The following APBB2 variants were observed in gnomAD, a reference collection of about 807,000 sequenced individuals.
APBB2 encodes the protein amyloid beta precursor protein binding family B member 2.
In APBB2, 38 loss-of-function variants were observed where a neutral mutation model predicts 82.5. The ratio of observed to expected loss-of-function variants is 0.46; its 90% CI spans 0.36 to 0.60. The LOEUF (loss-of-function observed/expected upper bound fraction) is 0.60. Among genes scored for constraint, APBB2 ranks in the 20% least tolerant of loss-of-function variants. The pLI is 0.00. For missense variants in APBB2, 772 were observed against 972.3 expected (o/e 0.79, Z 2.74); for synonymous variants, 341 against 368.2 (o/e 0.93, Z 0.85).
intron 3 of APBB2, among the ~76,000 whole-genome samples, chr4:41,080,378 A>G (rs1290243918): frequency 1.3e-5 from 2 of 152,226 alleles, no homozygotes; most frequent in African/African-American, 4.8e-5. Context: ...TCATAAAGGA[A>G]TCAAATGCAG....
chr4:41,078,753 T>G (rs1207551185), intron 3 of APBB2, among the ~76,000 whole-genome samples: 1 of 152,184 alleles, frequency 6.6e-6, no homozygotes, highest in Non-Finnish European at 1.5e-5. Context: ...TCTACCAGAG[T>G]GCTTACTGAA....
At chr4:40,900,870 C>T (rs1320115298) in intron 10 of APBB2, among the ~76,000 whole-genome samples, 1 of 151,328 alleles carries the variant, frequency 6.6e-6, no homozygotes, top group African/African-American at 2.4e-5. Context: ...ATATTTATGA[C>T]ACCTACCATG....
chr4:41,203,294 A>T lies in APBB2; in HGVS notation c.-417+11111T>A, dbSNP rs535927703. On this transcript the variant is annotated intron_variant, in intron 1 of 17. Coordinates refer to ENST00000508593, the MANE Select transcript of APBB2 (RefSeq NM_004307.2). ...AAACTGAAATAAAATTCAAGTCAGC[A>T]GGAGATGACTGTGATCATGAGACAA... Among the ~76,000 whole-genome samples the T allele has an allele frequency of 2.0e-5, 3 of 152,348 alleles. No individual in the cohort carries two copies. In the East Asian group the frequency reaches 5.8e-4, roughly 29 times the overall value.
intron 11 of APBB2, among the ~76,000 whole-genome samples, chr4:40,892,088 C>T (rs1772209284): frequency 6.6e-6 from 1 of 151,808 alleles, no homozygotes; most frequent in African/African-American, 2.4e-5. Flanking sequence ...GTAGCTGGGA[C>T]TACAGGTGCG....
At chr4:41,069,599 T>G (rs1340977429) in intron 3 of APBB2, among the ~76,000 whole-genome samples, 1 of 152,204 alleles carries the variant, frequency 6.6e-6, no homozygotes, top group Non-Finnish European at 1.5e-5. Flanking sequence ...AGAGATGGTT[T>G]CAAAGGCATC....
Position 41,211,408 on chromosome 4 carries a change from G to A in APBB2, c.-417+2997C>T, listed in dbSNP as rs528180743. ...CCACCTGCTCCCCTCCCCCGCCCCC[G>A]GAAAACTTAAGGTGTTATATCACAA... On this transcript the variant is annotated intron_variant, in intron 1 of 17. Coordinates refer to ENST00000508593, the MANE Select transcript of APBB2 (RefSeq NM_004307.2). Among the ~76,000 whole-genome samples the A allele has an allele frequency of 5.2e-5, 4 of 76,432 alleles. No individual in the cohort carries two copies. The South Asian group carries it at 1.5e-3, about 28-fold the overall frequency. 50.1% of individuals were successfully genotyped at this position (76,432 alleles called of 152,430 possible).
chr4:41,107,812 C>A (rs1340301115), intron 2 of APBB2, among the ~76,000 whole-genome samples: 1 of 152,130 alleles, frequency 6.6e-6, no homozygotes, highest in African/African-American at 2.4e-5. Flanking sequence ...TCTTTCAAGA[C>A]ACCAATGCCA....
At chr4:41,110,468 T>G (rs1748786726) in intron 2 of APBB2, among the ~76,000 whole-genome samples, 1 of 151,962 alleles carries the variant, frequency 6.6e-6, no homozygotes, top group Admixed American at 6.6e-5. Flanking sequence ...CTGTGTGTGG[T>G]GACGGGCACC....
At chr4:40,931,960 G>A (rs569047290) in intron 10 of APBB2, among the ~76,000 whole-genome samples, 8 of 152,238 alleles carry the variant, frequency 5.3e-5, no homozygotes, top group East Asian at 1.9e-4. Context: ...CCTTACTAAC[G>A]TGAACAGACT....
chr4:41,052,813 C>G (rs1726510363), intron 4 of APBB2, among the ~76,000 whole-genome samples: 1 of 150,560 alleles, frequency 6.6e-6, no homozygotes, highest in Non-Finnish European at 1.5e-5. Flanking sequence ...TGTCACCCAG[C>G]TGGAGTGCAG....
intron 1 of APBB2, among the ~76,000 whole-genome samples, chr4:41,200,537 TC>T: frequency 6.6e-6 from 1 of 152,194 alleles, no homozygotes; most frequent in Non-Finnish European, 1.5e-5. Context: ...CCAGTTGCTC[TC>T]CCCTGGCGGC....
intron 10 of APBB2, among the ~76,000 whole-genome samples, chr4:40,907,285 CT>C (rs1242447757): frequency 3.4e-5 from 5 of 147,810 alleles, no homozygotes; most frequent in African/African-American, 1.3e-4. Flanking sequence ...TAAATGAGCT[CT>C]AACAATGGGG....
chr4:40,958,707 G>A (rs1792312880), intron 6 of APBB2, among the ~76,000 whole-genome samples: 3 of 152,170 alleles, frequency 2.0e-5, no homozygotes, highest in South Asian at 4.1e-4. Flanking sequence ...CTGGGCTCAA[G>A]CGATTCTCCT....
chr4:40,901,349 T>C (rs77720594), intron 10 of APBB2, among the ~76,000 whole-genome samples: 3,311 of 152,030 alleles, frequency 0.022, 113 homozygotes, highest in African/African-American at 0.076. Context: ...TAGCCAGCTA[T>C]GCCAATCTAG....
chr4:41,147,590 A>C (rs1217225065), intron 1 of APBB2, among the ~76,000 whole-genome samples: 1 of 149,922 alleles, frequency 6.7e-6, no homozygotes, highest in African/African-American at 2.5e-5. Context: ...TCCTGGGTTC[A>C]AGCGATTCTC....
intron 10 of APBB2, among the ~76,000 whole-genome samples, chr4:40,924,716 G>A (rs1239875691): frequency 6.6e-6 from 1 of 152,186 alleles, no homozygotes; most frequent in East Asian, 1.9e-4. Flanking sequence ...TGTGGATCAG[G>A]CAGGAACTGC....
chr4:40,981,104 G>C (rs982928715), intron 6 of APBB2, among the ~76,000 whole-genome samples: 1 of 152,136 alleles, frequency 6.6e-6, no homozygotes, highest in Non-Finnish European at 1.5e-5. Context: ...AAGAACATGA[G>C]GCCAAGTAAC....
chr4:41,004,756 G>A (rs1806212176), intron 6 of APBB2, among the ~76,000 whole-genome samples: 1 of 138,276 alleles, frequency 7.2e-6, no homozygotes, highest in East Asian at 2.4e-4. Context: ...AGAATGGCGT[G>A]AACCTGGGAG....
chr4:41,185,032 G>A (rs1224518265), intron 1 of APBB2, among the ~76,000 whole-genome samples: 1 of 152,212 alleles, frequency 6.6e-6, no homozygotes, highest in Non-Finnish European at 1.5e-5. Flanking sequence ...CTTCACTAGA[G>A]TGTAATCTTA....
Sources: allele counts gnomAD v4.1 joint callset (sites outside exome capture counted in the v4.1 genomes callset), GRCh38; gene constraint gnomAD v4.1.1; transcripts MANE v1.5; gene names NCBI Gene and HGNC (gene_info 2026-07-23, HGNC 2026-07-21).